The following SLFN12L variants were observed in gnomAD, a reference collection of about 807,000 sequenced individuals.
The protein encoded by SLFN12L is schlafen family member 12-like.
In SLFN12L, 34 loss-of-function variants were observed where a neutral mutation model predicts 34.8. The observed-to-expected ratio is 0.98, with a 90% CI of 0.74 to 1.30. SLFN12L has a LOEUF of 1.30. Among genes scored for constraint, SLFN12L ranks in the 50% most tolerant of loss-of-function variants. SLFN12L has a pLI of 0.00. For missense variants in SLFN12L, 703 were observed against 696.2 expected, an observed-to-expected ratio of 1.01 and a Z score of -0.11; for synonymous variants, 259 against 247.5, an observed-to-expected ratio of 1.05 and a Z score of -0.44.
chr17:35,519,230 C>T (rs1017005617), intron 2 of SLFN12L, among the ~76,000 whole-genome samples: 9 of 152,156 alleles, frequency 5.9e-5, no homozygotes, highest in African/African-American at 1.4e-4. Context: ...AGGACAAATA[C>T]TTAATGCATG....
chr17:35,481,854 TTTTTTG>T (rs1360197214), intron 2 of SLFN12L, among the ~76,000 whole-genome samples: 4 of 152,116 alleles, frequency 2.6e-5, no homozygotes, highest in African/African-American at 4.8e-5. Flanking sequence ...TTGTTGTTTG[TTTTTTG>T]TTTTTGTTTT....
chr17:35,526,372 C>T lies in SLFN12L; in HGVS notation c.-605-3403G>A, dbSNP rs561693791. Among the ~76,000 whole-genome samples the T allele has an allele frequency of 6.0e-4, 91 of 152,324 alleles. 1 individual carries two copies. Among genetic ancestry groups the T allele is most frequent in the Non-Finnish European group, 1.0e-3 (68 of 68,036 alleles). ...ACCAAGCGGATCTAATAGACATCTACAGACCTTTCCACTGCAAATCAGCAG... is the reference window on the plus strand; with the variant it reads ...ACCAAGCGGATCTAATAGACATCTATAGACCTTTCCACTGCAAATCAGCAG... On this transcript the variant is annotated intron_variant, in intron 1 of 4. Coordinates refer to ENST00000628453, the MANE Select transcript of SLFN12L (RefSeq NM_001363830.2).
chr17:35,475,424 A>T lies in SLFN12L; in HGVS notation c.1338T>A (p.His446Gln), dbSNP rs775633738. Residue 446 changes from histidine (H) to glutamine (Q), a missense_variant, in exon 5 of 5, where the codon CAT becomes CAA. Transcript: ENST00000628453. ...KTFCRNLFSQ[H>Q]EGLKQLICEE... ...CACATATTAATTGCTTAAGTCCTTC[A>T]TGTTGTGAGAACAGATTTCTGCAGA... is the stretch of plus-strand genomic sequence containing the variant. 1.2e-6 allele frequency: 2 copies of T among 1,614,074 alleles called. No individual in the cohort carries two copies. Among genetic ancestry groups the T allele is most frequent in the Non-Finnish European group, 1.7e-6 (2 of 1,179,976 alleles).
chr17:35,490,224 G>T (rs1337345816), intron 2 of SLFN12L: 12 of 1,575,498 alleles, frequency 7.6e-6, no homozygotes, highest in African/African-American at 1.3e-5. Context: ...GCAAAGTGAA[G>T]TCTGGAGCTA....
At chr17:35,510,433 A>G (rs12949835) in intron 2 of SLFN12L, among the ~76,000 whole-genome samples, 28 of 152,368 alleles carry the variant, frequency 1.8e-4, no homozygotes, top group African/African-American at 6.5e-4. Flanking sequence ...AAAAGAAATG[A>G]AGCACTGATG....
intron 1 of SLFN12L, among the ~76,000 whole-genome samples, chr17:35,524,259 G>A (rs1388042290): frequency 6.6e-6 from 1 of 152,232 alleles, no homozygotes; most frequent in Non-Finnish European, 1.5e-5. Flanking sequence ...ATCTCCCTGG[G>A]ACAGAGCACC....
chr17:35,498,249 G>A, intron 2 of SLFN12L: 2 of 777,740 alleles, frequency 2.6e-6, no homozygotes, highest in South Asian at 1.3e-5. Flanking sequence ...GATCCAGATG[G>A]CAGTGTCCTG....
At chr17:35,513,750 T>C (rs1915727771) in intron 2 of SLFN12L, among the ~76,000 whole-genome samples, 1 of 152,314 alleles carries the variant, frequency 6.6e-6, no homozygotes, top group South Asian at 2.1e-4. Context: ...AGGAGGTACA[T>C]TGAAGATAAA....
rs1000637109 is a variant in SLFN12L at position 35,505,656 on chromosome 17, G to A, written c.86+16623C>T. Among the ~76,000 whole-genome samples, 11 of 152,276 alleles carry A rather than the reference G, an allele frequency of 7.2e-5. 1 individual carries two copies. In the South Asian group the frequency reaches 1.0e-3, roughly 14 times the overall value. Reference sequence around the variant, plus strand: ...TAACTGTGTAGAGGTATTGGACTCCGTTTATTCTAGTGGGACCAATCTCCA... The same window carrying A: ...TAACTGTGTAGAGGTATTGGACTCCATTTATTCTAGTGGGACCAATCTCCA... On this transcript the variant is annotated intron_variant, in intron 2 of 4. Transcript: ENST00000628453.
chr17:35,498,335 A>G lies in SLFN12L; in HGVS notation c.87-18140T>C, dbSNP rs1188010372. The G allele has an allele frequency of 3.3e-6, 3 of 915,634 alleles. No individual in the cohort carries two copies. In the East Asian group the frequency reaches 7.2e-5, roughly 22 times the overall value. The allele number at this position is 915,634 out of a possible 1,614,324, so 56.7% of individuals were successfully genotyped here. On this transcript the variant is annotated intron_variant, in intron 2 of 4. Transcript: ENST00000628453. ...GACTGCGGCTGCCACAGACTGCTGA[A>G]GAGTTGGCGGCCAATCTCACGGTAC...
chr17:35,502,542 T>G (rs1047157383), intron 2 of SLFN12L, among the ~76,000 whole-genome samples: 1 of 148,004 alleles, frequency 6.8e-6, no homozygotes, highest in Non-Finnish European at 1.5e-5. Context: ...CGACCAGACC[T>G]AGGAGGAACT....
At chr17:35,498,424 A>G (rs1480747924) in intron 2 of SLFN12L, 9 of 1,300,528 alleles carry the variant, frequency 6.9e-6, no homozygotes, top group African/African-American at 4.4e-5. Flanking sequence ...CCCCAGCAAT[A>G]TGAAGTACAG....
At chr17:35,478,356 A>G in intron 3 of SLFN12L, 171 bp from the exon 4 acceptor site, 1 of 468,544 alleles carries the variant, frequency 2.1e-6, no homozygotes, top group Non-Finnish European at 3.7e-6. Context: ...TAGGTCAGAT[A>G]CAAATTGTAA....
At position 35,464,915 on chromosome 17, in the gene SLFN12L, C is replaced by T. The variant is rs1913697888; in HGVS notation, c.*10008G>A. On this transcript the variant is annotated 3_prime_UTR_variant, in exon 5 of 5. Transcript: ENST00000628453. ...AGAGAGAGATAAAGTCTTGCTCTGT[C>T]ACCCAGGCTGGAGTGCGGTGGTGCC... 6.6e-6 allele frequency among the ~76,000 whole-genome samples: 1 copy of T among 152,078 alleles called. No individual in the cohort carries two copies. Among genetic ancestry groups the T allele is most frequent in the South Asian group, 2.1e-4 (1 of 4,830 alleles).
At chr17:35,523,139 T>G (rs574247819) in intron 1 of SLFN12L, among the ~76,000 whole-genome samples, 170 bp from the exon 2 acceptor site, 1 of 152,244 alleles carries the variant, frequency 6.6e-6, no homozygotes, top group African/African-American at 2.4e-5. Context: ...TTGAAATATC[T>G]GGTAAATCTC....
chr17:35,515,233 G>A (rs562287764), intron 2 of SLFN12L: 1 of 504,874 alleles, frequency 2.0e-6, no homozygotes, highest in Non-Finnish European at 3.8e-6. Context: ...TGGGGGAAAG[G>A]AGCGGTTGCC....
intron 1 of SLFN12L, among the ~76,000 whole-genome samples, chr17:35,528,055 C>T (rs77426457): frequency 0.011 from 1,655 of 152,140 alleles, 36 homozygotes; most frequent in African/African-American, 0.036. Flanking sequence ...TCCTATGCAC[C>T]GATAACAGAC....
intron 2 of SLFN12L, among the ~76,000 whole-genome samples, chr17:35,512,755 G>T (rs900181594): frequency 1.5e-4 from 23 of 152,196 alleles, no homozygotes; most frequent in Admixed American, 1.4e-3. Context: ...AAATGCACTT[G>T]GCTTAATCAA....
At position 35,464,986 on chromosome 17, in the gene SLFN12L, C is replaced by T. The variant is rs541188499; in HGVS notation, c.*9937G>A. On this transcript the variant is annotated 3_prime_UTR_variant, in exon 5 of 5. Transcript: ENST00000628453. The stretch of plus-strand genomic sequence containing the variant: ...CCGCCTCCCAGGTTCAAGTGATTCT[C>T]CTGCCTCAGCTTCCCAAGTAGCTGG... 2.0e-5 allele frequency among the ~76,000 whole-genome samples: 3 copies of T among 152,284 alleles called. No homozygotes were observed. Among genetic ancestry groups the T allele is most frequent in the Non-Finnish European group, 2.9e-5 (2 of 68,024 alleles).
Sources: allele counts gnomAD v4.1 joint callset (sites outside exome capture counted in the v4.1 genomes callset), GRCh38; gene constraint gnomAD v4.1.1; transcripts MANE v1.5; gene names NCBI Gene and HGNC (gene_info 2026-07-23, HGNC 2026-07-21).